The following BAIAP2L1 variants were observed in gnomAD, a reference collection of about 807,000 sequenced individuals.
The protein encoded by BAIAP2L1 is BAR/IMD domain containing adaptor protein 2 like 1.
A neutral mutation model predicts 66.3 loss-of-function variants in BAIAP2L1; 35 were observed. The ratio of observed to expected loss-of-function variants is 0.53; its 90% CI spans 0.40 to 0.70. The LOEUF (loss-of-function observed/expected upper bound fraction) is 0.70. BAIAP2L1 is among the 30% of genes least tolerant of loss of function. BAIAP2L1 has a pLI of 0.00. For synonymous variants in BAIAP2L1, 269 were observed against 248.7 expected (o/e 1.08, Z -0.77); for missense variants, 622 against 656.9 (o/e 0.95, Z 0.58).
chr7:98,343,786 T>C (rs540622819), intron 3 of BAIAP2L1, among the ~76,000 whole-genome samples: 1 of 152,216 alleles, frequency 6.6e-6, no homozygotes, highest in East Asian at 1.9e-4. Flanking sequence ...GCAAAAACTT[T>C]AGGCCTTGTG....
chr7:98,360,651 G>C (rs1802249809), intron 2 of BAIAP2L1, among the ~76,000 whole-genome samples: 1 of 151,774 alleles, frequency 6.6e-6, no homozygotes, highest in African/African-American at 2.4e-5. Flanking sequence ...GGCAGCTCAT[G>C]CTAGAAAGAA....
At chr7:98,366,018 G>A (rs1802382806) in intron 1 of BAIAP2L1, among the ~76,000 whole-genome samples, 1 of 152,184 alleles carries the variant, frequency 6.6e-6, no homozygotes, top group South Asian at 2.1e-4. Flanking sequence ...AGCTGTGGGT[G>A]TGTGCACAGG....
chr7:98,387,904 A>G (rs1032554044), intron 1 of BAIAP2L1, among the ~76,000 whole-genome samples: 1 of 152,038 alleles, frequency 6.6e-6, no homozygotes. Context: ...GAAACCAACA[A>G]CCAAAAAAAC....
At chr7:98,314,524 G>A (rs1800998340) in intron 7 of BAIAP2L1, among the ~76,000 whole-genome samples, 1 of 148,280 alleles carries the variant, frequency 6.7e-6, no homozygotes. Context: ...TTAAAACAAA[G>A]GAAAGGAAAT....
At chr7:98,347,334 A>G (rs533426974) in intron 3 of BAIAP2L1, among the ~76,000 whole-genome samples, 1 of 152,288 alleles carries the variant, frequency 6.6e-6, no homozygotes, top group South Asian at 2.1e-4. Context: ...TGCGTTTTTA[A>G]CAAACATTTT....
intron 3 of BAIAP2L1, among the ~76,000 whole-genome samples, chr7:98,344,049 G>A (rs1584472076): frequency 6.6e-6 from 1 of 152,154 alleles, no homozygotes; most frequent in East Asian, 1.9e-4. Flanking sequence ...GGTGTGGTGG[G>A]TACCTGTAGT....
chr7:98,304,414 G>A, intron 11 of BAIAP2L1, 38 bp from the exon 12 acceptor site: 1 of 1,605,498 alleles, frequency 6.2e-7, no homozygotes, highest in Non-Finnish European at 8.5e-7. Flanking sequence ...GTTAGATAAT[G>A]TCTCACCACC....
intron 3 of BAIAP2L1, among the ~76,000 whole-genome samples, chr7:98,332,658 A>G (rs1801524496): frequency 6.6e-6 from 1 of 151,042 alleles, no homozygotes; most frequent in African/African-American, 2.4e-5. Flanking sequence ...AAATACAAAA[A>G]ATTAGCTGGG....
chr7:98,364,457 G>A (rs1016552864), intron 1 of BAIAP2L1, among the ~76,000 whole-genome samples: 1 of 152,090 alleles, frequency 6.6e-6, no homozygotes, highest in Non-Finnish European at 1.5e-5. Context: ...TGACTGTCAC[G>A]ATTGCCCTAG....
rs4727391 is a variant in BAIAP2L1, at chr7:98,292,877, G to T, written c.*644C>A. The T allele has an allele frequency of 1.4e-6, 2 of 1,443,720 alleles. No homozygotes were observed. The highest frequency in any genetic ancestry group is 5.4e-5 in the Admixed American group (2 of 36,868). The allele number at this position is 1,443,720 out of a possible 1,614,324, so 89.4% of individuals were successfully genotyped here. ...CTACCAAGAAAAGGAGCTCTCGGAG[G>T]AGATTTCGTCGAGTGCTACGTGTGG... is the stretch of plus-strand genomic sequence containing the variant. On this transcript the variant is annotated 3_prime_UTR_variant, in exon 14 of 14. Transcript: ENST00000005260.
chr7:98,390,954 C>T (rs958607833), intron 1 of BAIAP2L1, among the ~76,000 whole-genome samples: 1 of 151,712 alleles, frequency 6.6e-6, no homozygotes, highest in Admixed American at 6.6e-5. Flanking sequence ...CTGCCTCAGC[C>T]TCTGGAGTAG....
At chr7:98,364,706 G>A (rs1045400723) in intron 1 of BAIAP2L1, among the ~76,000 whole-genome samples, 2 of 152,036 alleles carry the variant, frequency 1.3e-5, no homozygotes, top group Non-Finnish European at 2.9e-5. Context: ...ACTTGGTCAG[G>A]CGTGATGGCT....
chr7:98,353,548 T>A (rs867929469), intron 3 of BAIAP2L1, among the ~76,000 whole-genome samples: 150 of 135,972 alleles, frequency 1.1e-3, no homozygotes, highest in Non-Finnish European at 2.0e-3. Flanking sequence ...TATATTTATA[T>A]TATAAATATA....
At chr7:98,357,018 A>AAAAAAAT (rs1802142075) in intron 2 of BAIAP2L1, among the ~76,000 whole-genome samples, 1 of 24,248 alleles carries the variant, frequency 4.1e-5, no homozygotes, top group Non-Finnish European at 6.3e-5. Context: ...AAAAAAAAAA[A>AAAAAAAT]AAATATATAT....
intron 1 of BAIAP2L1, 136 bp downstream of exon 1, chr7:98,400,666 G>A: frequency 1.0e-6 from 1 of 989,308 alleles, no homozygotes; most frequent in East Asian, 2.8e-5. Flanking sequence ...GGGGAGGAGT[G>A]GGAGAGACCG....
rs199701552 is a variant in BAIAP2L1, at chr7:98,317,261, T to C, written c.444A>G (p.Gln148=). 3 of 1,614,138 alleles carry C rather than the reference T, an allele frequency of 1.9e-6. No individual in the cohort carries two copies. The Admixed American group carries it at 5.0e-5, about 27-fold the overall frequency. Residue 148 remains glutamine (Q), a synonymous_variant, in exon 6 of 14, where the codon CAA becomes CAG. Coordinates refer to ENST00000005260, the MANE Select transcript of BAIAP2L1 (RefSeq NM_018842.5). ...AELKKIRRKS[Q]GSRNALKYEH... is the part of the protein sequence containing the mutation. ...CATATTTGAGTGCGTTTCGGCTTCC[T>C]TGGCTTTTCCTTCTGATCTTCTTCA...
In BAIAP2L1 at chr7:98,344,102, G is replaced by A. The variant is rs994967623; in HGVS notation, c.214+10940C>T. ...TGAGGCAAGAGAATCACTTGAACCCGGTAGGTGGAGGTTGCAGTGAGCTGA... is the reference window on the plus strand; with the variant it reads ...TGAGGCAAGAGAATCACTTGAACCCAGTAGGTGGAGGTTGCAGTGAGCTGA... On this transcript the variant is annotated intron_variant, in intron 3 of 13. Transcript: ENST00000005260. Among the ~76,000 whole-genome samples, 6 of 152,106 alleles carry A rather than the reference G, an allele frequency of 3.9e-5. No individual in the cohort carries two copies. The East Asian group carries it at 5.8e-4, about 15-fold the overall frequency.
intron 1 of BAIAP2L1, among the ~76,000 whole-genome samples, chr7:98,368,246 C>G (rs1246256214): frequency 6.6e-6 from 1 of 152,000 alleles, no homozygotes; most frequent in East Asian, 1.9e-4. Flanking sequence ...TGGTGAAACC[C>G]TGTCTCTACT....
chr7:98,317,600 C>T (rs1801114051), intron 5 of BAIAP2L1, among the ~76,000 whole-genome samples: 1 of 151,832 alleles, frequency 6.6e-6, no homozygotes, highest in Admixed American at 6.6e-5. Flanking sequence ...TCCCTCAGTT[C>T]ACACCGTCTG....
Sources: gnomAD v4.1 joint callset for allele counts (sites outside exome capture counted in the v4.1 genomes callset) on GRCh38, gnomAD v4.1.1 for gene constraint, MANE v1.5 for transcripts, NCBI Gene and HGNC (gene_info 2026-07-23, HGNC 2026-07-21) for gene names.